The following INTU variants were observed in gnomAD, a reference collection of about 807,000 sequenced individuals.
INTU encodes the protein protein inturned.
INTU carries 68 observed loss-of-function variants against 100.5 expected under a neutral mutation model. That is an observed-to-expected ratio of 0.68 (90% CI 0.56 to 0.83). The LOEUF (loss-of-function observed/expected upper bound fraction) is 0.83, where lower values mean the gene tolerates loss of function less well. INTU is among the 40% of genes least tolerant of loss of function. The pLI is 0.00. For synonymous variants in INTU, 357 were observed against 395.7 expected (o/e 0.90, Z 1.16); for missense variants, 1,071 against 1,114.7 (o/e 0.96, Z 0.56).
At chr4:127,657,100 T>C (rs1560839264) in intron 3 of INTU, among the ~76,000 whole-genome samples, 1 of 152,116 alleles carries the variant, frequency 6.6e-6, no homozygotes. Flanking sequence ...GTTGCTATAA[T>C]GTTTTTTTTT....
intron 2 of INTU, among the ~76,000 whole-genome samples, chr4:127,650,491 G>A (rs1048482490): frequency 1.3e-5 from 2 of 151,002 alleles, no homozygotes; most frequent in African/African-American, 4.9e-5. Flanking sequence ...TTTTGTTCTT[G>A]CGATAGTTTA....
rs1394545465 is a variant in INTU, at chr4:127,644,038, A to T, written c.664A>T (p.Ser222Cys). 6.2e-7 allele frequency: 1 copy of T among 1,613,700 alleles called. No homozygotes were observed. The highest frequency in any genetic ancestry group is 8.5e-7 in the Non-Finnish European group (1 of 1,179,768). The change falls in exon 2 of 16, where the codon AGC becomes TGC. Residue 222 changes from serine (S) to cysteine (C), a missense_variant. Ser to Cys is a moderately radical substitution (Grantham distance 112). Transcript: ENST00000335251. Reference protein sequence around the residue: ...GLLPGGSAMKSGQVLIGDVLV... With the variant: ...GLLPGGSAMKCGQVLIGDVLV... ...GCTGCCAGGGGGATCTGCTATGAAG[A>T]GCGGTCAGGTACTCATTGGTAAGTG... is the stretch of plus-strand genomic sequence containing the variant.
At chr4:127,669,859 G>A (rs1728846639) in intron 5 of INTU, among the ~76,000 whole-genome samples, 1 of 151,802 alleles carries the variant, frequency 6.6e-6, no homozygotes. Context: ...AATGCTAGAG[G>A]AAAACCTAGG....
intron 2 of INTU, among the ~76,000 whole-genome samples, chr4:127,653,880 G>C (rs1243987013): frequency 6.6e-6 from 1 of 151,738 alleles, no homozygotes; most frequent in Non-Finnish European, 1.5e-5. Flanking sequence ...GGTCACTCAG[G>C]ACTTGCTTTA....
At chr4:127,671,508 C>T (rs536330452) in intron 5 of INTU, among the ~76,000 whole-genome samples, 79 of 152,068 alleles carry the variant, frequency 5.2e-4, no homozygotes, top group South Asian at 8.3e-4. Context: ...TTATACAGTG[C>T]TGGTGGAATT....
At chr4:127,699,962 TA>T (rs1730572801) in intron 8 of INTU, 47 bp from the exon 9 acceptor site, 6 of 1,428,912 alleles carry the variant, frequency 4.2e-6, no homozygotes, top group Non-Finnish European at 5.7e-6. Context: ...AAAAAGTAAC[TA>T]ATATGAGTCA....
At chr4:127,695,564 C>G (rs1730346608) in intron 8 of INTU, among the ~76,000 whole-genome samples, 1 of 152,158 alleles carries the variant, frequency 6.6e-6, no homozygotes, top group African/African-American at 2.4e-5. Flanking sequence ...ACTGATGCAG[C>G]ATACAGGGTT....
intron 4 of INTU, among the ~76,000 whole-genome samples, chr4:127,665,012 G>A (rs1728633319): frequency 1.3e-5 from 2 of 150,928 alleles, no homozygotes; most frequent in African/African-American, 4.9e-5. Flanking sequence ...CATGATATTT[G>A]TCTTAACAGA....
chr4:127,704,949 G>A (rs1373431046), intron 10 of INTU, among the ~76,000 whole-genome samples: 1 of 151,936 alleles, frequency 6.6e-6, no homozygotes, highest in African/African-American at 2.4e-5. Flanking sequence ...AAAATTATCT[G>A]GGTATGGTGG....
At chr4:127,715,146 G>A (rs1406215284) in intron 15 of INTU, among the ~76,000 whole-genome samples, 1 of 152,058 alleles carries the variant, frequency 6.6e-6, no homozygotes, top group Non-Finnish European at 1.5e-5. Context: ...ACAAAGATGC[G>A]AACAGTGGAA....
intron 2 of INTU, among the ~76,000 whole-genome samples, chr4:127,651,835 T>C (rs547490228): frequency 6.6e-6 from 1 of 151,820 alleles, no homozygotes; most frequent in African/African-American, 2.4e-5. Context: ...ACGATATTGA[T>C]TCTTCCTACA....
intron 2 of INTU, among the ~76,000 whole-genome samples, chr4:127,650,967 G>C (rs1483686274): frequency 1.3e-5 from 2 of 152,056 alleles, no homozygotes; most frequent in Non-Finnish European, 2.9e-5. Flanking sequence ...TTCTCTGATG[G>C]CCAGTGATGA....
At position 127,650,485 on chromosome 4, in the gene INTU, G is replaced by C. The variant is rs550172641; in HGVS notation, c.683-6151G>C. Reference sequence around the variant, plus strand: ...GAGAATATGCAGTGTTTGGTTTTTTGTTCTTGCGATAGTTTACTGAGAATG... The same window carrying C: ...GAGAATATGCAGTGTTTGGTTTTTTCTTCTTGCGATAGTTTACTGAGAATG... On this transcript the variant is annotated intron_variant, in intron 2 of 15. Coordinates refer to ENST00000335251, the MANE Select transcript of INTU (RefSeq NM_015693.4). Among the ~76,000 whole-genome samples the C allele has an allele frequency of 2.7e-4, 40 of 150,616 alleles. No homozygotes were observed. The South Asian group carries it at 8.2e-3, about 31-fold the overall frequency.
chr4:127,634,675 C>T (rs913266163), intron 1 of INTU, among the ~76,000 whole-genome samples: 1 of 152,150 alleles, frequency 6.6e-6, no homozygotes, highest in African/African-American at 2.4e-5. Context: ...GCCACATGTT[C>T]TAGTGTCTTT....
chr4:127,651,819 A>G (rs1194348130), intron 2 of INTU, among the ~76,000 whole-genome samples: 3 of 151,272 alleles, frequency 2.0e-5, no homozygotes, highest in Non-Finnish European at 4.4e-5. Context: ...CAGTATGGCC[A>G]TTTTCACGAT....
intron 1 of INTU, among the ~76,000 whole-genome samples, chr4:127,634,695 A>G (rs946300360): frequency 1.3e-5 from 2 of 152,104 alleles, no homozygotes; most frequent in Non-Finnish European, 2.9e-5. Flanking sequence ...TATCCTCCTA[A>G]TAATAAAAGT....
chr4:127,656,384 T>G (rs1220879596), intron 2 of INTU, among the ~76,000 whole-genome samples: 1 of 152,198 alleles, frequency 6.6e-6, no homozygotes, highest in African/African-American at 2.4e-5. Context: ...AAATAGTTAT[T>G]TTTTAAAATA....
At chr4:127,642,264 T>A (rs1231893298) in intron 1 of INTU, among the ~76,000 whole-genome samples, 1 of 152,198 alleles carries the variant, frequency 6.6e-6, no homozygotes, top group African/African-American at 2.4e-5. Context: ...GCTTAGTGCC[T>A]ATGATGATGC....
intron 3 of INTU, among the ~76,000 whole-genome samples, chr4:127,662,327 A>C (rs1048152061): frequency 5.3e-5 from 8 of 152,046 alleles, no homozygotes; most frequent in African/African-American, 1.7e-4. Context: ...TTGCTTTTGG[A>C]GTCTTAGTCA....
Sources: gnomAD v4.1 joint callset for allele counts (sites outside exome capture counted in the v4.1 genomes callset) on GRCh38, gnomAD v4.1.1 for gene constraint, MANE v1.5 for transcripts, NCBI Gene and HGNC (gene_info 2026-07-23, HGNC 2026-07-21) for gene names.